Variants in PHEX observed in about 807,000 individuals in gnomAD.
PHEX encodes phosphate regulating endopeptidase X-linked, also known as phosphate-regulating neutral endopeptidase PHEX.
Under a neutral mutation model 68.0 loss-of-function variants are expected in PHEX, and 16 were observed. The observed-to-expected ratio is 0.24, with a 90% CI of 0.16 to 0.36. PHEX has a LOEUF of 0.36. Among genes scored for constraint, PHEX ranks in the 10% least tolerant of loss-of-function variants. The pLI is 1.00. For synonymous variants in PHEX, 208 were observed against 205.1 expected (o/e 1.01, Z -0.12); for missense variants, 480 against 575.5 (o/e 0.83, Z 1.70).
chrX:22,076,536 T>A lies in PHEX; in HGVS notation c.436+62T>A. The A allele has an allele frequency of 4.2e-6, 3 of 713,439 alleles. No individual in the cohort carries two copies. The South Asian group carries it at 6.7e-5, about 16-fold the overall frequency. 58.8% of individuals were successfully genotyped at this position (713,439 alleles called of 1,213,427 possible). ...TCCCTATCCTTTAGAGTTCTATTAATGTTTTAATATATTGTTTGAGGAAGA... is the reference window on the plus strand; with the variant it reads ...TCCCTATCCTTTAGAGTTCTATTAAAGTTTTAATATATTGTTTGAGGAAGA... On this transcript the variant is annotated intron_variant, in intron 4 of 21. Transcript: ENST00000379374.
chrX:22,057,993 G>A lies in PHEX; in HGVS notation c.349+10782G>A, dbSNP rs186739453. 1.0e-3 allele frequency among the ~76,000 whole-genome samples: 113 copies of A among 111,705 alleles called. No individual in the cohort carries two copies. In the Admixed American group the frequency reaches 0.011, roughly 11 times the overall value. ...AGAAGACTCTTGAGATGCAACTGGG[G>A]CTTGCCCCTGAAAGGAGGGGAAGCA... On this transcript the variant is annotated intron_variant, in intron 3 of 21. Coordinates refer to ENST00000379374, the MANE Select transcript of PHEX (RefSeq NM_000444.6).
chrX:22,076,450 C>T lies in PHEX; in HGVS notation c.412C>T (p.Leu138Phe), dbSNP rs1929155448. The change falls in exon 4 of 22, where the codon CTT becomes TTT. Residue 138 changes from leucine (L) to phenylalanine (F), a missense_variant. By Grantham distance (22) the Leu-to-Phe change is conservative (BLOSUM62 0). Transcript: ENST00000379374. ...CGAAGCCATACAGAAAGCCAAAATC[C>T]TTTATTCATCCTGCATGAATGAGAG... The part of the protein sequence containing the change: ...DTEAIQKAKI[L>F]YSSCMNEKAI... 8.4e-7 allele frequency: 1 copy of T among 1,189,588 alleles called. No individual in the cohort carries two copies. The highest frequency in any genetic ancestry group is 1.8e-5 in the African/African-American group (1 of 56,975).
chrX:22,060,195 A>G (rs1232888523), intron 3 of PHEX, among the ~76,000 whole-genome samples: 2 of 110,359 alleles, frequency 1.8e-5, no homozygotes, highest in African/African-American at 3.3e-5. Flanking sequence ...TCGAAGTGAT[A>G]TAGCTTTTAT....
chrX:22,144,660 T>C (rs1438389886), intron 12 of PHEX, among the ~76,000 whole-genome samples: 1 of 110,802 alleles, frequency 9.0e-6, no homozygotes, highest in African/African-American at 3.3e-5. Flanking sequence ...ATTAACATAC[T>C]TGACAATATT....
chrX:22,229,356 C>T (rs1011817342), intron 20 of PHEX, among the ~76,000 whole-genome samples: 1 of 112,033 alleles, frequency 8.9e-6, no homozygotes, highest in African/African-American at 3.2e-5. Context: ...ACACTCCCAC[C>T]AACAGTGTAA....
chrX:22,111,404 G>C, intron 9 of PHEX, 63 bp from the exon 10 acceptor site: 1 of 892,838 alleles, frequency 1.1e-6, no homozygotes, highest in South Asian at 2.0e-5. Flanking sequence ...CTCTCAAGAT[G>C]TTCTGCAGAG....
At chrX:22,176,138 G>C (rs1462581401) in intron 13 of PHEX, among the ~76,000 whole-genome samples, 1 of 110,766 alleles carries the variant, frequency 9.0e-6, no homozygotes, top group East Asian at 2.8e-4. Context: ...TGTAATCCCA[G>C]CACTTTGGGA....
intron 1 of PHEX, among the ~76,000 whole-genome samples, chrX:22,035,757 C>A (rs1409359372): frequency 9.0e-6 from 1 of 110,600 alleles, no homozygotes; most frequent in Admixed American, 9.8e-5. Flanking sequence ...GAGAAATCTA[C>A]AATGAGAAAC....
chrX:22,092,745 C>CTT (rs1929947387), intron 6 of PHEX, among the ~76,000 whole-genome samples: 1 of 71,469 alleles, frequency 1.4e-5, no homozygotes, highest in Non-Finnish European at 2.4e-5. Flanking sequence ...TCTTTTCTTT[C>CTT]TTTCTTTTTT....
chrX:22,213,433 G>T (rs1289654362), intron 16 of PHEX, among the ~76,000 whole-genome samples: 1 of 111,994 alleles, frequency 8.9e-6, no homozygotes, highest in Non-Finnish European at 1.9e-5. Context: ...CAAATAAGGA[G>T]CTTGGATACT....
intron 1 of PHEX, among the ~76,000 whole-genome samples, chrX:22,038,254 G>A (rs1467712724): frequency 9.0e-6 from 1 of 111,310 alleles, no homozygotes; most frequent in Non-Finnish European, 1.9e-5. Flanking sequence ...ACGTACGAGA[G>A]AACTGAGTTT....
At chrX:22,118,230 G>A (rs1448230266) in intron 11 of PHEX, among the ~76,000 whole-genome samples, 1 of 103,358 alleles carries the variant, frequency 9.7e-6, no homozygotes, top group African/African-American at 3.6e-5. Context: ...TTTGGGGTAG[G>A]ACCCAAGAAT....
At chrX:22,079,161 C>G (rs1259372923) in intron 5 of PHEX, among the ~76,000 whole-genome samples, 2 of 112,084 alleles carry the variant, frequency 1.8e-5, no homozygotes, top group African/African-American at 3.2e-5. Context: ...TTTATACATT[C>G]TATTGAGTGA....
At chrX:22,074,256 A>G (rs750986560) in intron 3 of PHEX, among the ~76,000 whole-genome samples, 1 of 109,732 alleles carries the variant, frequency 9.1e-6, no homozygotes, top group East Asian at 2.9e-4. Flanking sequence ...CACTGTCTGC[A>G]TATCAATGCT....
At chrX:22,110,083 G>T (rs1930889521) in intron 9 of PHEX, among the ~76,000 whole-genome samples, 1 of 112,087 alleles carries the variant, frequency 8.9e-6, no homozygotes, top group Admixed American at 9.5e-5. Context: ...CCAATATTTT[G>T]CTGTTAGTTT....
chrX:22,158,788 T>C (rs756494667), intron 12 of PHEX, among the ~76,000 whole-genome samples: 1 of 112,480 alleles, frequency 8.9e-6, no homozygotes, highest in Non-Finnish European at 1.9e-5. Context: ...CCACCAGCAT[T>C]ATCAAGTTGT....
At chrX:22,036,061 T>A (rs1442534556) in intron 1 of PHEX, among the ~76,000 whole-genome samples, 8,172 of 78,098 alleles carry the variant, frequency 0.1, 478 homozygotes, top group East Asian at 0.16. Context: ...TATATTTTTT[T>A]TTTTTTTTTT....
chrX:22,133,661 C>G (rs1171906677), intron 12 of PHEX, 37 bp downstream of exon 12: 2 of 1,000,820 alleles, frequency 2.0e-6, no homozygotes, highest in Non-Finnish European at 2.8e-6. Context: ...AATAAGACTT[C>G]TGGTTTAATG....
intron 12 of PHEX, among the ~76,000 whole-genome samples, chrX:22,144,926 G>A (rs1467384625): frequency 9.0e-6 from 1 of 111,365 alleles, no homozygotes; most frequent in East Asian, 2.8e-4. Flanking sequence ...ATCTTGTTTT[G>A]CTAGTTATTT....
Sources: gnomAD v4.1 joint callset for allele counts (sites outside exome capture counted in the v4.1 genomes callset) on GRCh38, gnomAD v4.1.1 for gene constraint, MANE v1.5 for transcripts, NCBI Gene and HGNC (gene_info 2026-07-23, HGNC 2026-07-21) for gene names.